EIF2AK2: variants seen among roughly 807,000 people sequenced by gnomAD.
EIF2AK2 encodes interferon-induced, double-stranded RNA-activated protein kinase.
Under a neutral mutation model 70.5 loss-of-function variants are expected in EIF2AK2, and 40 were observed. The ratio of observed to expected loss-of-function variants is 0.57; its 90% CI spans 0.44 to 0.74. The LOEUF (loss-of-function observed/expected upper bound fraction) is 0.74. Ranked by LOEUF, EIF2AK2 falls within the 30% of genes least tolerant of loss-of-function variation. The pLI is 0.00. For missense variants in EIF2AK2, 555 were observed against 644.3 expected (o/e 0.86, Z 1.50); for synonymous variants, 198 against 220.9 (o/e 0.90, Z 0.92).
intron 1 of EIF2AK2, among the ~76,000 whole-genome samples, chr2:37,153,220 C>G (rs1675806186): frequency 6.6e-6 from 1 of 151,876 alleles, no homozygotes; most frequent in Admixed American, 6.6e-5. Flanking sequence ...AGTACATTCA[C>G]AATGTTGTGT....
chr2:37,117,998 T>G (rs568127053), intron 13 of EIF2AK2, among the ~76,000 whole-genome samples: 2 of 152,098 alleles, frequency 1.3e-5, no homozygotes, highest in African/African-American at 4.8e-5. Flanking sequence ...TTATAGAAGA[T>G]GAAAGAAGTC....
chr2:37,102,038 G>C lies in EIF2AK2; in HGVS notation c.*5235C>G, dbSNP rs908248559. ...GAGAATCTCTCAAGGCCAGGAGTTT[G>C]AGACCAGCCTGGGAAACACAGCAAG... On this transcript the variant is annotated 3_prime_UTR_variant, in exon 17 of 17. Transcript: ENST00000233057. 16 of 152,308 alleles carry C rather than the reference G, an allele frequency of 1.1e-4. No individual in the cohort carries two copies. Among genetic ancestry groups the C allele is most frequent in the Admixed American group, 1.0e-3 (16 of 15,290 alleles). The allele number at this position is 152,308 out of a possible 1,614,324, so 9.4% of individuals were successfully genotyped here.
At chr2:37,126,185 A>G (rs1237313088) in intron 11 of EIF2AK2, 104 bp downstream of exon 11, 9 of 1,405,388 alleles carry the variant, frequency 6.4e-6, no homozygotes, top group African/African-American at 2.9e-5. Context: ...GAGGATCAGA[A>G]AGAAATAAAT....
intron 13 of EIF2AK2, among the ~76,000 whole-genome samples, chr2:37,119,083 G>A (rs1156276451): frequency 2.6e-5 from 4 of 152,102 alleles, no homozygotes; most frequent in African/African-American, 9.7e-5. Flanking sequence ...CTTGTGACAG[G>A]CTTAGGCAAG....
In EIF2AK2 at chr2:37,106,486, T is replaced by C. The variant is rs933455404; in HGVS notation, c.*787A>G. On this transcript the variant is annotated 3_prime_UTR_variant, in exon 17 of 17. Transcript: ENST00000233057. ...ATTCTTGTAAGCACGTATGTAGGAATAGAATTGATAGCTATGTGGGTATAC... is the reference window on the plus strand; with the variant it reads ...ATTCTTGTAAGCACGTATGTAGGAACAGAATTGATAGCTATGTGGGTATAC... 6 of 152,052 alleles carry C rather than the reference T, an allele frequency of 3.9e-5. No homozygotes were observed. The highest frequency in any genetic ancestry group is 8.8e-5 in the Non-Finnish European group (6 of 68,024). 9.4% of individuals were successfully genotyped at this position (152,052 alleles called of 1,614,324 possible).
chr2:37,155,067 T>C (rs1202015615), intron 1 of EIF2AK2, among the ~76,000 whole-genome samples: 1 of 152,146 alleles, frequency 6.6e-6, no homozygotes, highest in Admixed American at 6.6e-5. Context: ...CCTCCAGGTT[T>C]GTGGCTTTAA....
intron 9 of EIF2AK2, 82 bp from the exon 10 acceptor site, chr2:37,135,628 CTTTCTTTTTT>C: frequency 1.5e-6 from 2 of 1,353,432 alleles, no homozygotes; most frequent in South Asian, 1.3e-5. Context: ...TAACCTTTTT[CTTTCTTTTTT>C]TTTCTTCAGA....
At chr2:37,119,859 T>G in intron 13 of EIF2AK2, 100 bp downstream of exon 13, 40 of 672,984 alleles carry the variant, frequency 5.9e-5, no homozygotes, top group South Asian at 7.5e-5. Context: ...CCCAAAGTGT[T>G]GAGATTATAG....
In EIF2AK2 at chr2:37,099,832, G is replaced by A. The variant is rs1673782126; in HGVS notation, c.*7441C>T. 6.6e-6 allele frequency: 1 copy of A among 152,172 alleles called. No individual in the cohort carries two copies. The highest frequency in any genetic ancestry group is 2.4e-5 in the African/African-American group (1 of 41,438). The allele number at this position is 152,172 out of a possible 1,614,324, so 9.4% of individuals were successfully genotyped here. ...TAGAATATTATTTGGCAATAAAAAG[G>A]AATGAGATGCTGATTCATGCCACAG... On this transcript the variant is annotated 3_prime_UTR_variant, in exon 17 of 17. Transcript: ENST00000233057.
Position 37,141,561 on chromosome 2 carries a change from C to T in EIF2AK2, c.381G>A (p.Gly127=), listed in dbSNP as rs1675332488. Reference sequence around the variant, plus strand: ...GCCAAATTATGTCTTACCCTTCTGGCCCATGCACCCCCGATGCACACTGTT... The same window carrying T: ...GCCAAATTATGTCTTACCCTTCTGGTCCATGCACCCCCGATGCACACTGTT... ...NYEQCASGVH[G]PEGFHYKCKM... Residue 127 remains glycine, a synonymous_variant, in exon 5 of 17, where the codon GGG becomes GGA. Coordinates refer to ENST00000233057, the MANE Select transcript of EIF2AK2 (RefSeq NM_001135651.3). 6.2e-7 allele frequency: 1 copy of T among 1,612,518 alleles called. No homozygotes were observed. Among genetic ancestry groups the T allele is most frequent in the African/African-American group, 1.3e-5 (1 of 74,876 alleles).
intron 10 of EIF2AK2, among the ~76,000 whole-genome samples, chr2:37,132,003 T>C (rs765232398): frequency 6.6e-6 from 1 of 152,218 alleles, no homozygotes; most frequent in Admixed American, 6.5e-5. Context: ...CTCCTATCAT[T>C]AATGGAAAAC....
chr2:37,156,755 C>T (rs572686720), intron 1 of EIF2AK2, among the ~76,000 whole-genome samples, 153 bp downstream of exon 1: 16 of 152,190 alleles, frequency 1.1e-4, no homozygotes, highest in Non-Finnish European at 1.6e-4. Context: ...AGTGCTGACC[C>T]AGCCGGGGCC....
chr2:37,108,208 G>A (rs1674028740), intron 15 of EIF2AK2, among the ~76,000 whole-genome samples: 1 of 150,456 alleles, frequency 6.6e-6, no homozygotes, highest in Non-Finnish European at 1.5e-5. Flanking sequence ...ACTCCCCACT[G>A]TCTAAGCAAG....
At chr2:37,123,164 T>C (rs1674615254) in intron 11 of EIF2AK2, among the ~76,000 whole-genome samples, 1 of 151,918 alleles carries the variant, frequency 6.6e-6, no homozygotes, top group Non-Finnish European at 1.5e-5. Context: ...CAAGACTCTG[T>C]CTCAAAAAAT....
rs975554167 is a variant in EIF2AK2 at position 37,156,054 on chromosome 2, T to C, written c.-184+854A>G. On this transcript the variant is annotated intron_variant, in intron 1 of 16. Coordinates refer to ENST00000233057, the MANE Select transcript of EIF2AK2 (RefSeq NM_001135651.3). ...CAAGGGCAGAGCGGGGTTTCTTGTA[T>C]AGGCAGGTTGTTTGAGGAAGGCTGC... 5.3e-5 allele frequency among the ~76,000 whole-genome samples: 8 copies of C among 151,972 alleles called. No homozygotes were observed. The East Asian group carries it at 1.5e-3, about 29-fold the overall frequency.
At chr2:37,150,976 A>G (rs1193640767) in intron 1 of EIF2AK2, among the ~76,000 whole-genome samples, 2 of 152,202 alleles carry the variant, frequency 1.3e-5, no homozygotes, top group Non-Finnish European at 2.9e-5. Flanking sequence ...ATAAATGTAC[A>G]AGCGAAAACT....
chr2:37,147,771 C>A lies in EIF2AK2; in HGVS notation c.36G>T (p.Glu12Asp). Residue 12 changes from glutamate (E) to aspartate (D), a missense_variant, in exon 3 of 17, where the codon GAG becomes GAT. Coordinates refer to ENST00000233057, the MANE Select transcript of EIF2AK2 (RefSeq NM_001135651.3). The part of the protein sequence containing the change: ...AGDLSAGFFM[E>D]ELNTYRQKQG... ...GCTTCTGACGGTATGTATTAAGTTC[C>A]TCCATGAAGAAACCTGCTGAAAGAT... is the stretch of plus-strand genomic sequence containing the variant. 6.2e-7 allele frequency: 1 copy of A among 1,613,414 alleles called. No individual in the cohort carries two copies. Among genetic ancestry groups the A allele is most frequent in the African/African-American group, 1.3e-5 (1 of 74,966 alleles).
rs1319674117 is a variant in EIF2AK2 at position 37,099,568 on chromosome 2, CTGAATT to C, written c.*7699_*7704del. The C allele has an allele frequency of 6.6e-6, 1 of 152,168 alleles. No homozygotes were observed. Among genetic ancestry groups the C allele is most frequent in the African/African-American group, 2.4e-5 (1 of 41,442 alleles). 9.4% of individuals were successfully genotyped at this position (152,168 alleles called of 1,614,324 possible). A position where few individuals can be genotyped will look rare whatever the true frequency, so the allele number is the denominator to read the frequency against. Reference sequence around the variant, plus strand: ...ATGTTGGAACACTTTGGAAATAACACTGAATTTGGGTTCTGAAAGATGGATATAATT... The same window carrying C: ...ATGTTGGAACACTTTGGAAATAACACTGGGTTCTGAAAGATGGATATAATT... On this transcript the variant is annotated 3_prime_UTR_variant, in exon 17 of 17. Transcript: ENST00000233057.
chr2:37,134,356 T>C (rs1057450069), intron 10 of EIF2AK2, among the ~76,000 whole-genome samples: 5 of 152,220 alleles, frequency 3.3e-5, no homozygotes, highest in African/African-American at 1.2e-4. Context: ...GAAATTTCCG[T>C]GTAAGATCCT....
Sources: allele counts gnomAD v4.1 joint callset (sites outside exome capture counted in the v4.1 genomes callset), GRCh38; gene constraint gnomAD v4.1.1; transcripts MANE v1.5; gene names NCBI Gene and HGNC (gene_info 2026-07-23, HGNC 2026-07-21).